Variants in MYO5B observed in about 807,000 individuals in gnomAD.
MYO5B encodes unconventional myosin-Vb.
Under a neutral mutation model 229.3 loss-of-function variants are expected in MYO5B, and 143 were observed. That is an observed-to-expected ratio of 0.62 (90% CI 0.54 to 0.72). The LOEUF is 0.72. Among genes scored for constraint, MYO5B ranks in the 30% least tolerant of loss-of-function variants. The pLI, the probability that MYO5B is intolerant of heterozygous loss-of-function variation, is 0.00. For synonymous variants in MYO5B, 918 were observed against 885.2 expected, an observed-to-expected ratio of 1.04 and a Z score of -0.66; for missense variants, 2,321 against 2,331.0, an observed-to-expected ratio of 1.00 and a Z score of 0.09.
At chr18:50,011,860 C>A (rs1417490386) in intron 4 of MYO5B, among the ~76,000 whole-genome samples, 1 of 151,946 alleles carries the variant, frequency 6.6e-6, no homozygotes, top group Non-Finnish European at 1.5e-5. Flanking sequence ...TTGCACCAGA[C>A]CCTGTAGTAC....
At chr18:49,930,056 A>G (rs571547316) in intron 16 of MYO5B, among the ~76,000 whole-genome samples, 1 of 152,328 alleles carries the variant, frequency 6.6e-6, no homozygotes, top group South Asian at 2.1e-4. Context: ...TCTGGGTTTC[A>G]ATCATGACAT....
intron 31 of MYO5B, among the ~76,000 whole-genome samples, chr18:49,853,049 A>ATCTCTC (rs951705169): frequency 1.3e-5 from 2 of 152,194 alleles, no homozygotes; most frequent in African/African-American, 2.4e-5. Flanking sequence ...AAGAGGTAGA[A>ATCTCTC]TCTCTCTCTC....
chr18:50,019,507 C>T lies in MYO5B; in HGVS notation c.455+17343G>A, dbSNP rs141162885. Among the ~76,000 whole-genome samples the T allele has an allele frequency of 3.0e-4, 46 of 152,362 alleles. No individual in the cohort carries two copies. The East Asian group carries it at 8.7e-3, about 29-fold the overall frequency. ...GGTCCAGCCTCCAGAGCCCAGCATT[C>T]TGCTAGCTATTTCTTTGAAAAACAG... On this transcript the variant is annotated intron_variant, in intron 4 of 39. Transcript: ENST00000285039.
intron 10 of MYO5B, among the ~76,000 whole-genome samples, chr18:49,971,915 T>C (rs188236409): frequency 6.6e-6 from 1 of 152,238 alleles, no homozygotes; most frequent in East Asian, 1.9e-4. Flanking sequence ...AAAAAGTGAA[T>C]TGGTTTCTGA....
chr18:49,830,109 G>A (rs2023895720), intron 39 of MYO5B, among the ~76,000 whole-genome samples: 1 of 150,050 alleles, frequency 6.7e-6, no homozygotes. Flanking sequence ...TCCTCTTGCA[G>A]ACAACATATC....
chr18:50,116,166 A>G (rs1193211850), intron 1 of MYO5B, among the ~76,000 whole-genome samples: 6 of 152,232 alleles, frequency 3.9e-5, no homozygotes, highest in Non-Finnish European at 5.9e-5. Flanking sequence ...TGACCCTAAT[A>G]GACCAAAGTT....
chr18:50,136,363 A>AT, intron 1 of MYO5B, among the ~76,000 whole-genome samples: 1 of 91,950 alleles, frequency 1.1e-5, no homozygotes. Flanking sequence ...TTTTTTTTTT[A>AT]CTTTTTTTTT....
At chr18:50,017,175 C>CGGCATGA (rs1485994184) in intron 4 of MYO5B, among the ~76,000 whole-genome samples, 1 of 152,094 alleles carries the variant, frequency 6.6e-6, no homozygotes, top group Non-Finnish European at 1.5e-5. Flanking sequence ...TGGAGTGCAG[C>CGGCATGA]GGCATGATCT....
At chr18:50,134,947 C>T (rs2032313379) in intron 1 of MYO5B, among the ~76,000 whole-genome samples, 1 of 152,174 alleles carries the variant, frequency 6.6e-6, no homozygotes, top group Non-Finnish European at 1.5e-5. Context: ...TAACTAGATT[C>T]AGAGCTTTGA....
At chr18:49,915,367 T>C (rs565525628) in intron 17 of MYO5B, among the ~76,000 whole-genome samples, 2 of 152,332 alleles carry the variant, frequency 1.3e-5, no homozygotes, top group Admixed American at 6.5e-5. Context: ...ATTGGTCCCA[T>C]GTGTCACGCA....
At chr18:49,923,812 G>A (rs1473126192) in intron 17 of MYO5B, among the ~76,000 whole-genome samples, 1 of 152,094 alleles carries the variant, frequency 6.6e-6, no homozygotes, top group Non-Finnish European at 1.5e-5. Context: ...TATACTGAGG[G>A]GGGTCCCAGA....
intron 25 of MYO5B, chr18:49,876,324 C>G: frequency 3.8e-6 from 1 of 259,930 alleles, no homozygotes; most frequent in South Asian, 4.8e-5. Flanking sequence ...ATTTATCCAA[C>G]AGATCTTAAA....
At chr18:49,931,684 G>T (rs749414666) in intron 16 of MYO5B, among the ~76,000 whole-genome samples, 1 of 152,148 alleles carries the variant, frequency 6.6e-6, no homozygotes, top group Non-Finnish European at 1.5e-5. Flanking sequence ...ATTACCAGGG[G>T]CGGCAATGAC....
intron 32 of MYO5B, among the ~76,000 whole-genome samples, chr18:49,848,978 C>T (rs1284519977): frequency 6.6e-6 from 1 of 151,860 alleles, no homozygotes; most frequent in African/African-American, 2.4e-5. Flanking sequence ...CATGTGGCTC[C>T]TGAGCTGAGG....
At chr18:49,893,569 C>A (rs1229086669) in intron 22 of MYO5B, among the ~76,000 whole-genome samples, 1 of 152,330 alleles carries the variant, frequency 6.6e-6, no homozygotes, top group East Asian at 1.9e-4. Context: ...GGTGACTTAT[C>A]TGGGCAGAGG....
intron 33 of MYO5B, among the ~76,000 whole-genome samples, chr18:49,846,459 C>T (rs1282858185): frequency 6.6e-6 from 1 of 152,162 alleles, no homozygotes; most frequent in East Asian, 1.9e-4. Context: ...CTGTGCTCTA[C>T]ACAAGAACAC....
chr18:49,905,384 C>T (rs1183312854), intron 19 of MYO5B, among the ~76,000 whole-genome samples: 1 of 152,156 alleles, frequency 6.6e-6, no homozygotes, highest in African/African-American at 2.4e-5. Context: ...CCTCTCCTCT[C>T]TTGCCTTTCT....
In MYO5B at chr18:49,923,479, C is replaced by T. The variant is rs115761155; in HGVS notation, c.2090+6033G>A. 5.1e-3 allele frequency among the ~76,000 whole-genome samples: 773 copies of T among 152,290 alleles called. 9 individuals carry two copies. The highest frequency in any genetic ancestry group is 0.018 in the African/African-American group (740 of 41,544). On this transcript the variant is annotated intron_variant, in intron 17 of 39. Coordinates refer to ENST00000285039, the MANE Select transcript of MYO5B (RefSeq NM_001080467.3). ...AGCCCCTAGAAGCAAAATCCTCTCC[C>T]CACTGGCTTCCCCCTCTAAAACCGA...
intron 1 of MYO5B, among the ~76,000 whole-genome samples, chr18:50,084,966 A>G (rs1222959805): frequency 6.6e-6 from 1 of 152,212 alleles, no homozygotes; most frequent in Admixed American, 6.5e-5. Flanking sequence ...AAACCCTAGA[A>G]GAAAACCTAG....
Sources: allele counts gnomAD v4.1 joint callset (sites outside exome capture counted in the v4.1 genomes callset), GRCh38; gene constraint gnomAD v4.1.1; transcripts MANE v1.5; gene names NCBI Gene and HGNC (gene_info 2026-07-23, HGNC 2026-07-21).